The following TF variants were observed in gnomAD, a reference collection of about 807,000 sequenced individuals.
TF encodes the protein transferrin.
TF carries 55 observed loss-of-function variants against 82.4 expected under a neutral mutation model. The observed-to-expected ratio is 0.67, with a 90% CI of 0.54 to 0.84. TF has a LOEUF of 0.84. Ranked by LOEUF, TF falls within the 40% of genes least tolerant of loss-of-function variation. The pLI is 0.00. For synonymous variants in TF, 332 were observed against 332.6 expected (o/e 1.00, Z 0.02); for missense variants, 737 against 868.4 (o/e 0.85, Z 1.90).
chr3:133,711,177 A>G, the TF span, among the ~76,000 whole-genome samples: 8 of 152,194 alleles, frequency 5.3e-5, no homozygotes, highest in African/African-American at 1.9e-4. Context: ...ATCTCAACGG[A>G]ATCCCCAAGC....
intron 6 of TF, 33 bp from the exon 7 acceptor site, chr3:133,756,798 T>G: frequency 1.2e-6 from 2 of 1,613,836 alleles, no homozygotes; most frequent in South Asian, 1.1e-5. Context: ...ATGGCTCTCC[T>G]GTGTTAAGCT....
At chr3:133,663,351 A>ATTTTTTT in the TF span, among the ~76,000 whole-genome samples, 1 of 128,018 alleles carries the variant, frequency 7.8e-6, no homozygotes, top group African/African-American at 3.0e-5. Context: ...AATATCATTA[A>ATTTTTTT]TTTTTTTTTT....
At chr3:133,746,878 T>G (rs1203742917) in intron 1 of TF, among the ~76,000 whole-genome samples, 1 of 152,198 alleles carries the variant, frequency 6.6e-6, no homozygotes, top group Non-Finnish European at 1.5e-5. Flanking sequence ...CCCTGGGAGC[T>G]GTAGATGTCC....
chr3:133,753,815 G>A, intron 3 of TF, 112 bp downstream of exon 3: 2 of 889,008 alleles, frequency 2.2e-6, no homozygotes, highest in Admixed American at 1.9e-5. Context: ...TTCATCTTTG[G>A]AGAGTGAGTA....
the TF span, among the ~76,000 whole-genome samples, chr3:133,737,346 G>T: frequency 2.6e-5 from 4 of 152,172 alleles, no homozygotes; most frequent in Non-Finnish European, 5.9e-5. Flanking sequence ...ACCACTAAAT[G>T]CCCACAGGAG....
At chr3:133,716,644 C>T in the TF span, among the ~76,000 whole-genome samples, 1 of 152,084 alleles carries the variant, frequency 6.6e-6, no homozygotes, top group African/African-American at 2.4e-5. Context: ...CTGTCTTGTC[C>T]CACTCTCCTC....
the TF span, among the ~76,000 whole-genome samples, chr3:133,683,342 CACACATA>C: frequency 3.9e-5 from 6 of 152,184 alleles, no homozygotes; most frequent in Non-Finnish European, 5.9e-5. Context: ...GGATCAAATT[CACACATA>C]ACAATATGAA....
At position 133,762,641 on chromosome 3, in the gene TF, G is replaced by C. The variant is rs191553621; in HGVS notation, c.1204-1541G>C. Among the ~76,000 whole-genome samples the C allele has an allele frequency of 2.2e-3, 330 of 152,124 alleles. 1 individual carries two copies. The highest frequency in any genetic ancestry group is 4.6e-3 in the Admixed American group (70 of 15,276). ...GGAACATATCCCTTGAGGATAAGAG[G>C]GGACTACCATACGTAAAGTACTTTC... On this transcript the variant is annotated intron_variant, in intron 9 of 16. Transcript: ENST00000402696.
chr3:133,754,052 G>GA, intron 3 of TF: 1 of 458,358 alleles, frequency 2.2e-6, no homozygotes, highest in South Asian at 2.2e-5. Flanking sequence ...TCACACAGGA[G>GA]GGGTCACTCT....
At chr3:133,770,668 C>A in intron 14 of TF, 96 bp downstream of exon 14, 1 of 1,226,972 alleles carries the variant, frequency 8.2e-7, no homozygotes, top group Non-Finnish European at 1.2e-6. Flanking sequence ...GTATTATGTA[C>A]ACTGTCAGAC....
At chr3:133,738,441 T>C in the TF span, among the ~76,000 whole-genome samples, 2 of 152,152 alleles carry the variant, frequency 1.3e-5, no homozygotes, top group Non-Finnish European at 2.9e-5. Flanking sequence ...CTATTCAACA[T>C]AGTATTGAAA....
the TF span, among the ~76,000 whole-genome samples, chr3:133,737,493 C>T: frequency 1.4e-5 from 2 of 142,970 alleles, no homozygotes; most frequent in African/African-American, 2.6e-5. Flanking sequence ...GGTAGAGACA[C>T]ACAAAAAAAA....
rs6781444 is a variant in TF, at chr3:133,782,874, A to C, written c.*4254A>C. Reference sequence around the variant, plus strand: ...CAAGCAAACAAAACACACACACACAAAAAAAATTAGCGAGGAGTGCTGGTG... The same window carrying C: ...CAAGCAAACAAAACACACACACACACAAAAAATTAGCGAGGAGTGCTGGTG... On this transcript the variant is annotated 3_prime_UTR_variant, in exon 17 of 17. Coordinates refer to ENST00000402696, the MANE Select transcript of TF (RefSeq NM_001063.4). The C allele has an allele frequency of 0.19, 29,241 of 151,498 alleles. 3,278 individuals are homozygous for C. The highest frequency in any genetic ancestry group is 0.31 in the African/African-American group (12,553 of 41,060). 9.4% of individuals were successfully genotyped at this position (151,498 alleles called of 1,614,324 possible). A position where few individuals can be genotyped will look rare whatever the true frequency, so the allele number is the denominator to read the frequency against.
the TF span, among the ~76,000 whole-genome samples, chr3:133,699,062 T>C: frequency 2.2e-4 from 33 of 152,364 alleles, no homozygotes; most frequent in South Asian, 6.4e-3. Flanking sequence ...ATCTGTAGAA[T>C]GAGATAATCA....
At chr3:133,704,829 T>C in the TF span, among the ~76,000 whole-genome samples, 1 of 151,686 alleles carries the variant, frequency 6.6e-6, no homozygotes, top group Non-Finnish European at 1.5e-5. Context: ...TGGGGATCCA[T>C]CCACATGGAA....
At chr3:133,724,047 G>C in the TF span, among the ~76,000 whole-genome samples, 1 of 152,116 alleles carries the variant, frequency 6.6e-6, no homozygotes, top group Admixed American at 6.5e-5. Context: ...TCTTAATCCA[G>C]TCAATCATTA....
chr3:133,712,994 A>G, the TF span, among the ~76,000 whole-genome samples: 1 of 152,218 alleles, frequency 6.6e-6, no homozygotes, highest in Non-Finnish European at 1.5e-5. Context: ...ACTCTCCTGC[A>G]GACCCAGATG....
At chr3:133,736,631 CAAAAAAAAAAA>C in the TF span, among the ~76,000 whole-genome samples, 1 of 32,552 alleles carries the variant, frequency 3.1e-5, no homozygotes, top group South Asian at 2.4e-3. Context: ...AATGGAAAGC[CAAAAAAAAAAA>C]AAAAAAAAAG....
chr3:133,743,856 G>A (rs1432207414), upstream of TF, among the ~76,000 whole-genome samples: 3 of 152,222 alleles, frequency 2.0e-5, no homozygotes, highest in African/African-American at 7.2e-5. Context: ...ACAGGCATAG[G>A]CACCCCATAC....
Sources: gnomAD v4.1 joint callset for allele counts (sites outside exome capture counted in the v4.1 genomes callset) on GRCh38, gnomAD v4.1.1 for gene constraint, MANE v1.5 for transcripts, NCBI Gene and HGNC (gene_info 2026-07-23, HGNC 2026-07-21) for gene names.